The following KLRG1 variants were observed in gnomAD, a reference collection of about 807,000 sequenced individuals.
KLRG1 encodes killer cell lectin-like receptor subfamily G member 1.
Under a neutral mutation model 21.8 loss-of-function variants are expected in KLRG1, and 16 were observed. The observed-to-expected ratio is 0.73, with a 90% CI of 0.50 to 1.11. KLRG1 has a LOEUF of 1.11. Ranked by LOEUF, KLRG1 falls within the 50% of genes most tolerant of loss-of-function variation. KLRG1 has a pLI of 0.00. For synonymous variants in KLRG1, 69 were observed against 75.9 expected (o/e 0.91, Z 0.47); for missense variants, 173 against 218.3 (o/e 0.79, Z 1.31).
the KLRG1 span, among the ~76,000 whole-genome samples, chr12:9,026,752 C>A: frequency 1.3e-5 from 2 of 151,910 alleles, no homozygotes; most frequent in Admixed American, 1.3e-4. Flanking sequence ...GCTTATTTGT[C>A]AGTCATATGT....
the KLRG1 span, among the ~76,000 whole-genome samples, chr12:9,122,812 ACT>A: frequency 2.0e-5 from 3 of 152,098 alleles, no homozygotes; most frequent in Non-Finnish European, 2.9e-5. Flanking sequence ...ATACATACGT[ACT>A]CTCATTATTT....
chr12:9,030,114 G>A, the KLRG1 span, among the ~76,000 whole-genome samples: 1 of 152,078 alleles, frequency 6.6e-6, no homozygotes, highest in Admixed American at 6.6e-5. Context: ...ATTAATTTTT[G>A]CAGTTGTGAT....
chr12:9,080,803 ATG>A, the KLRG1 span, among the ~76,000 whole-genome samples: 1 of 152,308 alleles, frequency 6.6e-6, no homozygotes, highest in Non-Finnish European at 1.5e-5. Context: ...TGAAATGAAA[ATG>A]AGAGAAGTAT....
chr12:9,159,997 G>A, the KLRG1 span: 3 of 1,613,922 alleles, frequency 1.9e-6, no homozygotes, highest in Non-Finnish European at 2.5e-6. Flanking sequence ...AGCCATCTTG[G>A]TGTTTGTAGT....
At chr12:9,158,404 T>C in the KLRG1 span, 3 of 1,613,902 alleles carry the variant, frequency 1.9e-6, no homozygotes, top group Admixed American at 1.7e-5. Flanking sequence ...GCTCAGAAGT[T>C]TGTGGAACAG....
At chr12:9,081,234 G>T in the KLRG1 span, among the ~76,000 whole-genome samples, 1 of 151,976 alleles carries the variant, frequency 6.6e-6, no homozygotes, top group African/African-American at 2.4e-5. Context: ...CAAAAATAAG[G>T]TCATCCTTGT....
chr12:9,196,429 G>T, the KLRG1 span: 15 of 1,611,266 alleles, frequency 9.3e-6, no homozygotes, highest in Non-Finnish European at 1.1e-5. Context: ...TGTTTGCAGT[G>T]ACTTCCAGGT....
At chr12:9,134,321 A>C in the KLRG1 span, among the ~76,000 whole-genome samples, 1 of 152,144 alleles carries the variant, frequency 6.6e-6, no homozygotes, top group Non-Finnish European at 1.5e-5. Context: ...AGAAAATCAA[A>C]CTAATGCCTA....
chr12:9,129,358 T>G, the KLRG1 span, among the ~76,000 whole-genome samples: 113 of 152,182 alleles, frequency 7.4e-4, 1 homozygote, highest in African/African-American at 2.3e-3. Flanking sequence ...AGGAGAGAGA[T>G]AGAGAAGAAA....
the KLRG1 span, among the ~76,000 whole-genome samples, chr12:9,214,836 A>G: frequency 6.6e-6 from 1 of 152,000 alleles, no homozygotes; most frequent in Non-Finnish European, 1.5e-5. Flanking sequence ...CTTCTTGGGC[A>G]TATAATGCTA....
chr12:9,205,149 T>C, the KLRG1 span, among the ~76,000 whole-genome samples: 2 of 152,156 alleles, frequency 1.3e-5, no homozygotes, highest in African/African-American at 4.8e-5. Context: ...TTTTGAAAAG[T>C]CTTTTCTTTT....
the KLRG1 span, among the ~76,000 whole-genome samples, chr12:9,019,017 A>G: frequency 6.6e-6 from 1 of 152,246 alleles, no homozygotes; most frequent in African/African-American, 2.4e-5. Context: ...TTTGCAAACT[A>G]TCCATCTGAC....
chr12:9,059,254 A>G, the KLRG1 span, among the ~76,000 whole-genome samples: 6 of 152,228 alleles, frequency 3.9e-5, no homozygotes, highest in East Asian at 1.9e-4. Context: ...GACTATGCCA[A>G]TGATTTTGGT....
chr12:8,965,045 TA>T (rs1354962858), intron 1 of KLRG1, among the ~76,000 whole-genome samples: 1 of 152,184 alleles, frequency 6.6e-6, no homozygotes, highest in Non-Finnish European at 1.5e-5. Flanking sequence ...CGCAAATCAA[TA>T]AATGTAATCC....
the KLRG1 span, chr12:9,197,196 T>C: frequency 9.9e-7 from 1 of 1,014,366 alleles, no homozygotes; most frequent in Non-Finnish European, 1.5e-6. Flanking sequence ...TCCACAGAAC[T>C]GTCCCTCTTT....
chr12:9,069,723 A>G, the KLRG1 span: 2 of 1,599,084 alleles, frequency 1.3e-6, no homozygotes, highest in African/African-American at 2.7e-5. Flanking sequence ...TTTTTTTGCA[A>G]ATAGACTGGA....
At chr12:9,209,772 AATAAT>A in the KLRG1 span, among the ~76,000 whole-genome samples, 1 of 152,116 alleles carries the variant, frequency 6.6e-6, no homozygotes, top group African/African-American at 2.4e-5. Context: ...TATTTATGTA[AATAAT>A]ATATAGCATA....
At chr12:9,024,156 T>C in the KLRG1 span, among the ~76,000 whole-genome samples, 1 of 150,418 alleles carries the variant, frequency 6.6e-6, no homozygotes, top group Non-Finnish European at 1.5e-5. Context: ...TCCTCCTGAG[T>C]AGCTGGGATC....
chr12:9,029,002 G>T, the KLRG1 span: 1 of 604,764 alleles, frequency 1.7e-6, no homozygotes. Context: ...TGGCTCTTCA[G>T]GCTCTCATTG....
Sources: gnomAD v4.1 joint callset for allele counts (sites outside exome capture counted in the v4.1 genomes callset) on GRCh38, gnomAD v4.1.1 for gene constraint, MANE v1.5 for transcripts, NCBI Gene and HGNC (gene_info 2026-07-23, HGNC 2026-07-21) for gene names.